Variants in ZFAT observed in about 807,000 individuals in gnomAD.
The protein encoded by ZFAT is zinc finger protein ZFAT.
ZFAT carries 64 observed loss-of-function variants against 117.7 expected under a neutral mutation model. The observed-to-expected ratio is 0.54, with a 90% CI of 0.44 to 0.67. The LOEUF is 0.67. Ranked by LOEUF, ZFAT falls within the 30% of genes least tolerant of loss-of-function variation. The pLI is 0.00. For synonymous variants in ZFAT, 679 were observed against 615.0 expected (o/e 1.10, Z -1.54); for missense variants, 1,433 against 1,584.5 (o/e 0.90, Z 1.62).
chr8:134,676,673 T>G (rs1322266392), intron 1 of ZFAT, among the ~76,000 whole-genome samples: 1 of 152,132 alleles, frequency 6.6e-6, no homozygotes, highest in African/African-American at 2.4e-5. Context: ...ACACTTATTC[T>G]AAAATTGACC....
rs34419061 is a variant in ZFAT at position 134,705,367 on chromosome 8, G to GTT, written c.19+7476_19+7477dup. On this transcript the variant is annotated intron_variant, in intron 1 of 15. Coordinates refer to ENST00000377838, the MANE Select transcript of ZFAT (RefSeq NM_020863.4). Reference sequence around the variant, plus strand: ...AGGCATCCACCACCATGCCCAGCTGGTTTTTTTTTGTTTTTTTTTTTTTGT... The same window carrying GTT: ...AGGCATCCACCACCATGCCCAGCTGGTTTTTTTTTTTGTTTTTTTTTTTTTGT... Among the ~76,000 whole-genome samples, 297 of 117,412 alleles carry GTT rather than the reference G, an allele frequency of 2.5e-3. 3 individuals are homozygous for GTT. The highest frequency in any genetic ancestry group is 5.2e-3 in the African/African-American group (151 of 28,772). The allele number at this position is 117,412 out of a possible 152,430, so 77.0% of individuals were successfully genotyped here.
At chr8:134,761,258 A>G in the ZFAT span, among the ~76,000 whole-genome samples, 1 of 152,192 alleles carries the variant, frequency 6.6e-6, no homozygotes, top group African/African-American at 2.4e-5. Context: ...TACAGGCACA[A>G]CCAAGACCTT....
chr8:134,593,595 A>G (rs532400723), intron 7 of ZFAT, among the ~76,000 whole-genome samples: 1 of 152,328 alleles, frequency 6.6e-6, no homozygotes, highest in Admixed American at 6.5e-5. Context: ...CTTTGAAAGA[A>G]GGGAGATGCT....
chr8:134,783,486 C>A, the ZFAT span, among the ~76,000 whole-genome samples: 1 of 152,178 alleles, frequency 6.6e-6, no homozygotes, highest in Non-Finnish European at 1.5e-5. Flanking sequence ...TACCCCTGTC[C>A]ATGGAAAAAC....
intron 15 of ZFAT, among the ~76,000 whole-genome samples, chr8:134,480,182 G>A (rs994938814): frequency 2.6e-5 from 4 of 152,078 alleles, no homozygotes; most frequent in South Asian, 2.1e-4. Context: ...AGCTGGTCTC[G>A]AACTCCTGAG....
chr8:134,712,850 G>A lies in ZFAT; in HGVS notation c.14C>T (p.Ala5Val). 1 of 1,101,530 alleles carries A rather than the reference G, an allele frequency of 9.1e-7. No homozygotes were observed. The highest frequency in any genetic ancestry group is 1.2e-6 in the Non-Finnish European group (1 of 856,186). The allele number at this position is 1,101,530 out of a possible 1,614,324, so 68.2% of individuals were successfully genotyped here. A position where few individuals can be genotyped will look rare whatever the true frequency, so the allele number is the denominator to read the frequency against. The change falls in exon 1 of 16, where the codon GCG becomes GTG. Residue 5 changes from alanine (A) to valine (V), a missense_variant. Physicochemically the swap from Ala to Val is moderately conservative, Grantham distance 64. This residue lies in a region of ZFAT where 436 missense variants were observed against 482.0 expected (regional missense o/e 0.90). Transcript: ENST00000377838. Reference sequence around the variant, plus strand: ...CAACCCCCAGCCCGGCTCACCTGCCGCCCGCGTCTCCATGGCAACGCCCCA... The same window carrying A: ...CAACCCCCAGCCCGGCTCACCTGCCACCCGCGTCTCCATGGCAACGCCCCA... Reference protein sequence around the residue: METRAAENTAIFMCK... With the variant: METRVAENTAIFMCK...
At chr8:134,739,800 C>T in the ZFAT span, among the ~76,000 whole-genome samples, 1 of 152,194 alleles carries the variant, frequency 6.6e-6, no homozygotes, top group African/African-American at 2.4e-5. Context: ...GCTGAGGACT[C>T]CCCACCATTT....
chr8:134,807,323 A>G, the ZFAT span, among the ~76,000 whole-genome samples: 7 of 152,242 alleles, frequency 4.6e-5, no homozygotes, highest in Non-Finnish European at 8.8e-5. Flanking sequence ...ACAAGCCATT[A>G]TCTCCCAAGA....
intron 13 of ZFAT, among the ~76,000 whole-genome samples, chr8:134,514,089 T>C (rs1227379862): frequency 6.6e-6 from 1 of 152,214 alleles, no homozygotes; most frequent in Non-Finnish European, 1.5e-5. Flanking sequence ...TTGCAAGGCA[T>C]TCCTGGGAGC....
chr8:134,692,546 C>G (rs1305906803), intron 1 of ZFAT, among the ~76,000 whole-genome samples: 3 of 152,202 alleles, frequency 2.0e-5, no homozygotes, highest in Non-Finnish European at 4.4e-5. Context: ...GAAACTCAGT[C>G]CTTTCACTGA....
At chr8:134,543,525 T>C (rs777187235) in intron 11 of ZFAT, among the ~76,000 whole-genome samples, 1 of 152,266 alleles carries the variant, frequency 6.6e-6, no homozygotes, top group Non-Finnish European at 1.5e-5. Flanking sequence ...AGGAGGCTGT[T>C]CCTGCCCCTT....
At chr8:134,672,478 GCATACCAA>G (rs1832608300) in intron 1 of ZFAT, among the ~76,000 whole-genome samples, 1 of 152,128 alleles carries the variant, frequency 6.6e-6, no homozygotes, top group East Asian at 1.9e-4. Context: ...AATGGGTGCA[GCATACCAA>G]CATGGCACAT....
At chr8:134,805,095 G>C in the ZFAT span, 14 of 275,586 alleles carry the variant, frequency 5.1e-5, no homozygotes, top group Non-Finnish European at 8.4e-5. Context: ...AATAATTAAA[G>C]AGAAAGTGGT....
intron 15 of ZFAT, among the ~76,000 whole-genome samples, chr8:134,482,261 C>T (rs1563756983): frequency 6.6e-6 from 1 of 152,244 alleles, no homozygotes; most frequent in East Asian, 1.9e-4. Flanking sequence ...AAGTGGGAGG[C>T]GTTTAGGGAT....
intron 12 of ZFAT, 144 bp from the exon 13 acceptor site, chr8:134,521,145 A>G: frequency 1.7e-6 from 1 of 604,248 alleles, no homozygotes; most frequent in Non-Finnish European, 2.9e-6. Flanking sequence ...TTACCTTAGT[A>G]TTGGAACACA....
At chr8:134,768,000 C>A in the ZFAT span, among the ~76,000 whole-genome samples, 2 of 152,200 alleles carry the variant, frequency 1.3e-5, no homozygotes, top group Admixed American at 1.3e-4. Context: ...AGATCTTACT[C>A]TCTCTTCTGT....
intron 8 of ZFAT, 83 bp from the exon 9 acceptor site, chr8:134,588,478 C>T (rs766992274): frequency 2.8e-5 from 39 of 1,395,496 alleles, no homozygotes; most frequent in Non-Finnish European, 3.7e-5. Flanking sequence ...CTAAGCAGCA[C>T]CCACAGGAGG....
At chr8:134,669,223 C>G (rs1832423579) in intron 1 of ZFAT, among the ~76,000 whole-genome samples, 1 of 152,054 alleles carries the variant, frequency 6.6e-6, no homozygotes, top group South Asian at 2.1e-4. Flanking sequence ...CAAGGTAGGC[C>G]AACATTCAAA....
At chr8:134,718,728 G>T in the ZFAT span, among the ~76,000 whole-genome samples, 1 of 152,152 alleles carries the variant, frequency 6.6e-6, no homozygotes, top group Non-Finnish European at 1.5e-5. Context: ...GGGAGGGAAA[G>T]ATGCAGTAAG....
Sources: allele counts gnomAD v4.1 joint callset (sites outside exome capture counted in the v4.1 genomes callset), GRCh38; gene constraint gnomAD v4.1.1; regional missense constraint gnomAD v4.1.1; transcripts MANE v1.5; gene names NCBI Gene and HGNC (gene_info 2026-07-23, HGNC 2026-07-21).